The following GAB2 variants were observed in gnomAD, a reference collection of about 807,000 sequenced individuals.
GAB2 encodes the protein GRB2 associated binding protein 2.
A neutral mutation model predicts 65.5 loss-of-function variants in GAB2; 26 were observed. That is an observed-to-expected ratio of 0.40 (90% CI 0.29 to 0.55). The LOEUF (loss-of-function observed/expected upper bound fraction) is 0.55, where lower values mean the gene tolerates loss of function less well. Ranked by LOEUF, GAB2 falls within the 20% of genes least tolerant of loss-of-function variation. The pLI is 0.53. For missense variants in GAB2, 884 were observed against 875.8 expected (o/e 1.01, Z -0.12); for synonymous variants, 321 against 329.6 (o/e 0.97, Z 0.28).
chr11:78,229,854 A>T (rs985393774), intron 3 of GAB2, among the ~76,000 whole-genome samples: 3 of 152,150 alleles, frequency 2.0e-5, no homozygotes, highest in Admixed American at 2.0e-4. Flanking sequence ...TTCTTACCTC[A>T]ATCTGGCAAG....
intron 1 of GAB2, among the ~76,000 whole-genome samples, chr11:78,316,536 T>C (rs1044754169): frequency 4.6e-5 from 7 of 152,102 alleles, no homozygotes; most frequent in Non-Finnish European, 1.0e-4. Context: ...AAGAAGCACA[T>C]GAAAAGATGC....
At chr11:78,388,583 C>T (rs529330235) in intron 1 of GAB2, among the ~76,000 whole-genome samples, 219 of 152,132 alleles carry the variant, frequency 1.4e-3, no homozygotes, top group Non-Finnish European at 2.4e-3. Flanking sequence ...CTGCCTCAGC[C>T]TCCCAAAAAG....
chr11:78,355,592 A>C (rs1856345848), intron 1 of GAB2, among the ~76,000 whole-genome samples: 1 of 148,742 alleles, frequency 6.7e-6, no homozygotes, highest in African/African-American at 2.5e-5. Context: ...CAGTAACATC[A>C]CTTGAGCCCA....
At chr11:78,409,666 T>C (rs553646393) in intron 1 of GAB2, among the ~76,000 whole-genome samples, 1 of 152,310 alleles carries the variant, frequency 6.6e-6, no homozygotes, top group Non-Finnish European at 1.5e-5. Flanking sequence ...TTCACAATTA[T>C]AGTTGGAAAC....
At chr11:78,394,113 C>T (rs1165230533) in intron 1 of GAB2, among the ~76,000 whole-genome samples, 1 of 152,086 alleles carries the variant, frequency 6.6e-6, no homozygotes, top group African/African-American at 2.4e-5. Context: ...ATGGTGAAAC[C>T]CCATGTCTAC....
chr11:78,253,548 C>G (rs1001777038), intron 2 of GAB2, among the ~76,000 whole-genome samples: 1 of 152,194 alleles, frequency 6.6e-6, no homozygotes, highest in African/African-American at 2.4e-5. Flanking sequence ...CCTGCCTCAG[C>G]CTTCCAAAGG....
At chr11:78,256,322 G>C (rs1266384928) in intron 2 of GAB2, among the ~76,000 whole-genome samples, 1 of 152,216 alleles carries the variant, frequency 6.6e-6, no homozygotes, top group East Asian at 1.9e-4. Flanking sequence ...CAGATCTAGA[G>C]TTTTGTTAAG....
At chr11:78,227,728 A>G (rs1374165636) in intron 3 of GAB2, among the ~76,000 whole-genome samples, 1 of 151,866 alleles carries the variant, frequency 6.6e-6, no homozygotes, top group African/African-American at 2.4e-5. Context: ...TGAACCCAGA[A>G]GTTCGAAGTT....
chr11:78,284,250 C>A (rs1032964717), intron 1 of GAB2, among the ~76,000 whole-genome samples: 1 of 152,254 alleles, frequency 6.6e-6, no homozygotes, highest in Non-Finnish European at 1.5e-5. Flanking sequence ...CTCACCTCCA[C>A]TGTTGCTCAC....
At chr11:78,255,416 C>T (rs1307652294) in intron 2 of GAB2, among the ~76,000 whole-genome samples, 1 of 152,138 alleles carries the variant, frequency 6.6e-6, no homozygotes, top group African/African-American at 2.4e-5. Flanking sequence ...AAACCTAAAA[C>T]ATCAAACAAG....
chr11:78,220,059 A>T (rs973190780), intron 9 of GAB2, among the ~76,000 whole-genome samples: 3 of 152,082 alleles, frequency 2.0e-5, no homozygotes, highest in Non-Finnish European at 4.4e-5. Context: ...CTGTGCACTC[A>T]TTTGCCCATC....
intron 3 of GAB2, chr11:78,231,688 C>T (rs1864857985): frequency 6.6e-6 from 1 of 152,122 alleles, no homozygotes; most frequent in African/African-American, 2.4e-5. Flanking sequence ...TTTTTCTAGC[C>T]ACTTCATTTT....
At chr11:78,346,817 C>T (rs1856198327) in intron 1 of GAB2, among the ~76,000 whole-genome samples, 1 of 149,194 alleles carries the variant, frequency 6.7e-6, no homozygotes, top group Non-Finnish European at 1.5e-5. Flanking sequence ...CTCAAATAGA[C>T]CTTTCTTTTT....
At chr11:78,279,846 A>G (rs1399150278) in intron 2 of GAB2, among the ~76,000 whole-genome samples, 2 of 152,182 alleles carry the variant, frequency 1.3e-5, no homozygotes, top group East Asian at 3.9e-4. Flanking sequence ...ATTATGAATA[A>G]TACTGCTGTG....
intron 5 of GAB2, among the ~76,000 whole-genome samples, chr11:78,224,844 C>T (rs1051346040): frequency 6.6e-6 from 1 of 152,068 alleles, no homozygotes; most frequent in Non-Finnish European, 1.5e-5. Flanking sequence ...GGGTCTATTG[C>T]ATTCTAGATC....
chr11:78,258,899 G>A (rs1865664629), intron 2 of GAB2, among the ~76,000 whole-genome samples: 1 of 152,076 alleles, frequency 6.6e-6, no homozygotes, highest in Admixed American at 6.5e-5. Context: ...AGGTTCAGGG[G>A]TACACGTGCA....
At chr11:78,381,488 C>A (rs1232032591) in intron 1 of GAB2, among the ~76,000 whole-genome samples, 1 of 152,172 alleles carries the variant, frequency 6.6e-6, no homozygotes, top group Non-Finnish European at 1.5e-5. Context: ...CCTCCTCACT[C>A]CCAGTACAGA....
At chr11:78,258,587 T>A (rs34930337) in intron 2 of GAB2, among the ~76,000 whole-genome samples, 98 of 148,288 alleles carry the variant, frequency 6.6e-4, no homozygotes, top group Non-Finnish European at 1.1e-3. Flanking sequence ...TAATTTTTTT[T>A]AAATTTTTTA....
intron 2 of GAB2, among the ~76,000 whole-genome samples, chr11:78,271,119 A>G (rs554231317): frequency 6.6e-6 from 1 of 152,254 alleles, no homozygotes; most frequent in Non-Finnish European, 1.5e-5. Flanking sequence ...ACTCCTGAGC[A>G]CATGAATAAT....
Sources: allele counts gnomAD v4.1 joint callset (sites outside exome capture counted in the v4.1 genomes callset), GRCh38; gene constraint gnomAD v4.1.1; transcripts MANE v1.5; gene names NCBI Gene and HGNC (gene_info 2026-07-23, HGNC 2026-07-21).